Variants in XRCC5 observed in about 807,000 individuals in gnomAD.
The protein encoded by XRCC5 is DNA repair protein Ku80.
A neutral mutation model predicts 95.7 loss-of-function variants in XRCC5; 12 were observed. The ratio of observed to expected loss-of-function variants is 0.13; its 90% CI spans 0.08 to 0.20. The LOEUF is 0.20. Among genes scored for constraint, XRCC5 ranks in the 10% least tolerant of loss-of-function variants. The probability of loss-of-function intolerance (pLI) is 1.00; values close to 1 mark genes in which losing one functional copy is unlikely to be tolerated. For missense variants in XRCC5, 595 were observed against 873.9 expected, an observed-to-expected ratio of 0.68 and a Z score of 4.02; for synonymous variants, 281 against 290.3, an observed-to-expected ratio of 0.97 and a Z score of 0.33.
chr2:216,136,356 C>CAA (rs767749732), intron 10 of XRCC5, among the ~76,000 whole-genome samples: 98 of 34,144 alleles, frequency 2.9e-3, no homozygotes, highest in South Asian at 3.6e-3. Context: ...AACTGTGTCT[C>CAA]AAAAAAAAAA....
intron 13 of XRCC5, among the ~76,000 whole-genome samples, chr2:216,143,108 A>G (rs1372837382): frequency 6.6e-6 from 1 of 152,142 alleles, no homozygotes; most frequent in Non-Finnish European, 1.5e-5. Context: ...AAGGTTGTCT[A>G]CCCTTGGGAG....
At chr2:216,144,506 T>C (rs1688583279) in intron 13 of XRCC5, among the ~76,000 whole-genome samples, 1 of 152,140 alleles carries the variant, frequency 6.6e-6, no homozygotes, top group South Asian at 2.1e-4. Context: ...ATTTAGAAGG[T>C]ATAGATAGAA....
At chr2:216,204,545 C>A in intron 20 of XRCC5, 149 bp downstream of exon 20, 1 of 755,052 alleles carries the variant, frequency 1.3e-6, no homozygotes, top group Non-Finnish European at 2.2e-6. Context: ...TTATATATTG[C>A]CATTATAAAT....
chr2:216,187,121 C>G (rs1689507800), intron 16 of XRCC5, among the ~76,000 whole-genome samples: 1 of 152,254 alleles, frequency 6.6e-6, no homozygotes, highest in Admixed American at 6.5e-5. Flanking sequence ...TTACAAGCCA[C>G]GTAACTGAGT....
chr2:216,173,523 A>T (rs569235832), intron 16 of XRCC5, among the ~76,000 whole-genome samples: 2 of 152,356 alleles, frequency 1.3e-5, no homozygotes, highest in East Asian at 3.9e-4. Flanking sequence ...TATAGTTGTT[A>T]AATCAACCTT....
At chr2:216,115,283 T>G (rs1019324512) in intron 2 of XRCC5, among the ~76,000 whole-genome samples, 8 of 152,254 alleles carry the variant, frequency 5.3e-5, no homozygotes, top group African/African-American at 1.9e-4. Context: ...ATAGGTGTTT[T>G]TTTGTTTGTT....
chr2:216,157,184 G>C (rs1405577118), intron 14 of XRCC5, among the ~76,000 whole-genome samples: 1 of 151,690 alleles, frequency 6.6e-6, no homozygotes, highest in Non-Finnish European at 1.5e-5. Flanking sequence ...CCCAGCTTTT[G>C]CACCTTATGC....
intron 8 of XRCC5, 58 bp downstream of exon 8, chr2:216,127,732 A>T (rs924104541): frequency 6.0e-6 from 9 of 1,508,596 alleles, no homozygotes; most frequent in Non-Finnish European, 8.0e-6. Context: ...ACATGATGTG[A>T]TGCAGGCTGG....
At chr2:216,150,627 A>G (rs1049307506) in intron 14 of XRCC5, among the ~76,000 whole-genome samples, 3 of 152,302 alleles carry the variant, frequency 2.0e-5, no homozygotes, top group East Asian at 3.9e-4. Context: ...AAACGTATCT[A>G]ATGATAGATG....
intron 16 of XRCC5, among the ~76,000 whole-genome samples, chr2:216,162,632 T>TACAA (rs1688974429): frequency 6.6e-6 from 1 of 152,136 alleles, no homozygotes; most frequent in African/African-American, 2.4e-5. Context: ...CCTCAGGTGA[T>TACAA]CTGCCAGCCT....
At chr2:216,177,964 TCTG>T (rs1313384316) in intron 16 of XRCC5, among the ~76,000 whole-genome samples, 1 of 152,220 alleles carries the variant, frequency 6.6e-6, no homozygotes, top group African/African-American at 2.4e-5. Context: ...TGCCTGCAGA[TCTG>T]CTTCAGATTT....
At chr2:216,121,969 T>A in intron 5 of XRCC5, 93 bp from the exon 6 acceptor site, 4 of 1,156,004 alleles carry the variant, frequency 3.5e-6, no homozygotes, top group Non-Finnish European at 4.7e-6. Context: ...AATTTGAAAC[T>A]TGAAAAGGTT....
intron 13 of XRCC5, among the ~76,000 whole-genome samples, chr2:216,144,453 A>G (rs1407659590): frequency 6.6e-6 from 1 of 152,232 alleles, no homozygotes; most frequent in East Asian, 1.9e-4. Context: ...TAAGAGTTAA[A>G]GCAGTGATGG....
At position 216,137,192 on chromosome 2, in the gene XRCC5, C is replaced by T. The variant is rs139649355; in HGVS notation, c.1218C>T (p.Gly406=). ...ACAAAAGAGCTAATCCTCAAGTCGG[C>T]GTGGCTTTTCCTCATATCAAGCATA... The part of the protein sequence containing the change: ...AYDKRANPQV[G]VAFPHIKHNY... Residue 406 remains glycine, a synonymous_variant, in exon 11 of 21, where the codon GGC becomes GGT. Transcript: ENST00000392132. The T allele has an allele frequency of 2.9e-5, 46 of 1,613,360 alleles. No individual in the cohort carries two copies. The highest frequency in any genetic ancestry group is 2.7e-4 in the African/African-American group (20 of 74,992).
chr2:216,134,618 G>A (rs1337447957), intron 10 of XRCC5, among the ~76,000 whole-genome samples: 1 of 151,616 alleles, frequency 6.6e-6, no homozygotes, highest in Non-Finnish European at 1.5e-5. Flanking sequence ...TGTAGAGAAG[G>A]GGGTTTCACG....
intron 16 of XRCC5, among the ~76,000 whole-genome samples, chr2:216,180,065 T>A (rs1426465028): frequency 1.3e-5 from 2 of 152,232 alleles, no homozygotes; most frequent in Non-Finnish European, 2.9e-5. Context: ...ACTGGACGAA[T>A]TGCCATTTGC....
At chr2:216,137,609 A>G (rs1697107085) in intron 11 of XRCC5, among the ~76,000 whole-genome samples, 1 of 152,154 alleles carries the variant, frequency 6.6e-6, no homozygotes, top group Non-Finnish European at 1.5e-5. Context: ...TAGAGAAATT[A>G]CCTCCATTTT....
At chr2:216,152,783 C>G (rs1688769382) in intron 14 of XRCC5, among the ~76,000 whole-genome samples, 1 of 151,774 alleles carries the variant, frequency 6.6e-6, no homozygotes, top group Non-Finnish European at 1.5e-5. Flanking sequence ...TGAGGATCCT[C>G]AGTAGCCTCC....
At chr2:216,130,800 A>G in intron 8 of XRCC5, 75 bp from the exon 9 acceptor site, 2 of 923,582 alleles carry the variant, frequency 2.2e-6, no homozygotes, top group South Asian at 3.1e-5. Context: ...TTGTTAATGT[A>G]TGCATGGAAC....
Sources: gnomAD v4.1 joint callset for allele counts (sites outside exome capture counted in the v4.1 genomes callset) on GRCh38, gnomAD v4.1.1 for gene constraint, MANE v1.5 for transcripts, NCBI Gene and HGNC (gene_info 2026-07-23, HGNC 2026-07-21) for gene names.